PLXDC2: variants seen among roughly 807,000 people sequenced by gnomAD.
PLXDC2 encodes the protein plexin domain containing 2.
In PLXDC2, 40 loss-of-function variants were observed where a neutral mutation model predicts 68.9. The ratio of observed to expected loss-of-function variants is 0.58; its 90% CI spans 0.45 to 0.76. PLXDC2 has a LOEUF of 0.76. Ranked by LOEUF, PLXDC2 falls within the 30% of genes least tolerant of loss-of-function variation. The pLI, the probability that PLXDC2 is intolerant of heterozygous loss-of-function variation, is 0.00. For missense variants in PLXDC2, 644 were observed against 661.9 expected, an observed-to-expected ratio of 0.97 and a Z score of 0.30; for synonymous variants, 243 against 234.2, an observed-to-expected ratio of 1.04 and a Z score of -0.34.
chr10:20,030,904 C>G (rs1835491661), intron 2 of PLXDC2, among the ~76,000 whole-genome samples: 4 of 152,118 alleles, frequency 2.6e-5, no homozygotes, highest in Non-Finnish European at 5.9e-5. Flanking sequence ...ATGGCTCTTT[C>G]AGATTCATAT....
At chr10:20,094,965 G>A (rs1833328298) in intron 4 of PLXDC2, among the ~76,000 whole-genome samples, 1 of 152,256 alleles carries the variant, frequency 6.6e-6, no homozygotes, top group East Asian at 1.9e-4. Flanking sequence ...ATAAAAGAAG[G>A]CTCAAGCCTT....
At chr10:20,089,046 T>G (rs1406148243) in intron 4 of PLXDC2, among the ~76,000 whole-genome samples, 1 of 152,180 alleles carries the variant, frequency 6.6e-6, no homozygotes, top group Non-Finnish European at 1.5e-5. Context: ...GAATCTGTGC[T>G]TTGTCAGAAC....
At chr10:19,883,883 AC>A (rs1380941101) in intron 1 of PLXDC2, among the ~76,000 whole-genome samples, 7 of 41,906 alleles carry the variant, frequency 1.7e-4, no homozygotes, top group Non-Finnish European at 3.0e-4. Flanking sequence ...ATCCCTTTAA[AC>A]TTTTTTTTTT....
intron 2 of PLXDC2, among the ~76,000 whole-genome samples, chr10:20,046,211 G>C (rs922472746): frequency 6.6e-6 from 1 of 151,944 alleles, no homozygotes; most frequent in African/African-American, 2.4e-5. Flanking sequence ...TTGTTCAAAA[G>C]GACCTTTTTG....
rs1212214291 is a variant in PLXDC2, at chr10:20,289,707, G to A, written c.*9888G>A. Reference sequence around the variant, plus strand: ...AGAAGCACACACAATGACTGGAGCTGTCGGGAATTCCTGTCAGTGGCATTC... The same window carrying A: ...AGAAGCACACACAATGACTGGAGCTATCGGGAATTCCTGTCAGTGGCATTC... On this transcript the variant is annotated 3_prime_UTR_variant, in exon 14 of 14. Transcript: ENST00000377252. 1.3e-5 allele frequency: 2 copies of A among 152,244 alleles called. No individual in the cohort carries two copies. The highest frequency in any genetic ancestry group is 2.9e-5 in the Non-Finnish European group (2 of 68,088). The allele number at this position is 152,244 out of a possible 1,614,324, so 9.4% of individuals were successfully genotyped here.
At chr10:20,068,388 A>C (rs749100977) in intron 4 of PLXDC2, 149 bp downstream of exon 4, 37 of 724,564 alleles carry the variant, frequency 5.1e-5, no homozygotes, top group Non-Finnish European at 7.6e-5. Context: ...AAACCAAAGA[A>C]AGGGTATGGT....
chr10:20,277,196 G>GA (rs941746275), intron 13 of PLXDC2, among the ~76,000 whole-genome samples: 14 of 117,646 alleles, frequency 1.2e-4, no homozygotes, highest in Non-Finnish European at 2.2e-4. Context: ...GTGACAGAGC[G>GA]AGATTCCATC....
intron 1 of PLXDC2, among the ~76,000 whole-genome samples, chr10:19,978,394 T>G (rs1256351169): frequency 6.6e-6 from 1 of 152,210 alleles, no homozygotes; most frequent in Non-Finnish European, 1.5e-5. Context: ...TTTATTCCAC[T>G]GTTTATAAAA....
At position 19,919,598 on chromosome 10, in the gene PLXDC2, TC is replaced by T. The variant is rs1833425746; in HGVS notation, c.113-82175del. Among the ~76,000 whole-genome samples the T allele has an allele frequency of 3.3e-5, 5 of 152,384 alleles. No individual in the cohort carries two copies. The South Asian group carries it at 1.0e-3, about 32-fold the overall frequency. ...CAGAGAAAGACAGCAATATGTATTG[TC>T]CTCACAGTTATTTCTTATGGACATG... On this transcript the variant is annotated intron_variant, in intron 1 of 13. Transcript: ENST00000377252.
At chr10:19,838,914 G>T (rs557768882) in intron 1 of PLXDC2, among the ~76,000 whole-genome samples, 1 of 152,208 alleles carries the variant, frequency 6.6e-6, no homozygotes, top group African/African-American at 2.4e-5. Context: ...GGCCAGGTGT[G>T]GTGGCTCATG....
intron 13 of PLXDC2, among the ~76,000 whole-genome samples, chr10:20,256,921 A>G (rs1835749833): frequency 6.6e-6 from 1 of 152,228 alleles, no homozygotes; most frequent in East Asian, 1.9e-4. Flanking sequence ...ACTTCTTCAA[A>G]AGAAGCAGGG....
At chr10:19,853,655 G>T (rs889732955) in intron 1 of PLXDC2, among the ~76,000 whole-genome samples, 3 of 49,202 alleles carry the variant, frequency 6.1e-5, no homozygotes, top group African/African-American at 1.0e-3. Context: ...CTTTGGGTGG[G>T]GGGGGGGTTG....
At chr10:20,163,847 G>T (rs2131814239) in intron 6 of PLXDC2, among the ~76,000 whole-genome samples, 1 of 152,192 alleles carries the variant, frequency 6.6e-6, no homozygotes, top group East Asian at 1.9e-4. Flanking sequence ...GTTTCATTGA[G>T]ATTCAAATAC....
intron 4 of PLXDC2, among the ~76,000 whole-genome samples, chr10:20,076,760 A>G (rs1836458066): frequency 6.6e-6 from 1 of 152,118 alleles, no homozygotes; most frequent in African/African-American, 2.4e-5. Context: ...TCAACCACTG[A>G]TGTCTGGGAA....
intron 1 of PLXDC2, among the ~76,000 whole-genome samples, chr10:19,893,749 T>C (rs1235181560): frequency 6.6e-6 from 1 of 152,244 alleles, no homozygotes; most frequent in Admixed American, 6.5e-5. Context: ...AGTGAAACAA[T>C]CCTTTACAGC....
At chr10:20,234,807 G>T (rs1024989519) in intron 12 of PLXDC2, among the ~76,000 whole-genome samples, 14 of 151,934 alleles carry the variant, frequency 9.2e-5, no homozygotes, top group Non-Finnish European at 1.5e-5. Flanking sequence ...AGATTGTATG[G>T]TTGTTGAGAA....
At chr10:20,237,651 G>A (rs894242711) in intron 12 of PLXDC2, among the ~76,000 whole-genome samples, 1 of 152,172 alleles carries the variant, frequency 6.6e-6, no homozygotes, top group Non-Finnish European at 1.5e-5. Flanking sequence ...ATGTCTGTGT[G>A]CATTTTTAAT....
intron 1 of PLXDC2, among the ~76,000 whole-genome samples, chr10:19,907,737 A>G (rs1239014929): frequency 6.6e-6 from 1 of 152,218 alleles, no homozygotes; most frequent in South Asian, 2.1e-4. Flanking sequence ...ACATCACTTA[A>G]AAGATTGTGG....
At chr10:20,174,874 G>T (rs114889586) in intron 7 of PLXDC2, among the ~76,000 whole-genome samples, 8 of 152,034 alleles carry the variant, frequency 5.3e-5, no homozygotes, top group Non-Finnish European at 1.5e-5. Flanking sequence ...CAAGTTCTCG[G>T]ATGAGTAGGT....
Sources: allele counts gnomAD v4.1 joint callset (sites outside exome capture counted in the v4.1 genomes callset), GRCh38; gene constraint gnomAD v4.1.1; transcripts MANE v1.5; gene names NCBI Gene and HGNC (gene_info 2026-07-23, HGNC 2026-07-21).